The following HS6ST3 variants were observed in gnomAD, a reference collection of about 807,000 sequenced individuals.
HS6ST3 encodes heparan-sulfate 6-O-sulfotransferase 3.
Under a neutral mutation model 36.7 loss-of-function variants are expected in HS6ST3, and 12 were observed. The ratio of observed to expected loss-of-function variants is 0.33; its 90% CI spans 0.21 to 0.53. HS6ST3 has a LOEUF of 0.53. Among genes scored for constraint, HS6ST3 ranks in the 20% least tolerant of loss-of-function variants. The pLI, the probability that HS6ST3 is intolerant of heterozygous loss-of-function variation, is 0.95. For missense variants in HS6ST3, 584 were observed against 640.9 expected (o/e 0.91, Z 0.96); for synonymous variants, 240 against 257.5 (o/e 0.93, Z 0.65).
intron 1 of HS6ST3, among the ~76,000 whole-genome samples, chr13:96,361,603 G>C (rs1044783150): frequency 6.6e-6 from 1 of 152,134 alleles, no homozygotes; most frequent in Non-Finnish European, 1.5e-5. Context: ...AGAGCGGGCT[G>C]CTTGCTTATT....
At chr13:96,400,635 A>G (rs78068512) in intron 1 of HS6ST3, among the ~76,000 whole-genome samples, 1 of 152,124 alleles carries the variant, frequency 6.6e-6, no homozygotes, top group Admixed American at 6.5e-5. Flanking sequence ...TGATGGGAAG[A>G]TGAAGCCACA....
chr13:96,090,870 A>G lies in HS6ST3; in HGVS notation c.8A>G (p.Glu3Gly). MD[E>G]RFNKWLLTPV... Reference sequence around the variant, plus strand: ...CGGCCTGAGAGCGGGACCATGGATGAAAGGTTCAACAAGTGGCTGCTGACG... The same window carrying G: ...CGGCCTGAGAGCGGGACCATGGATGGAAGGTTCAACAAGTGGCTGCTGACG... The change falls in exon 1 of 2, where the codon GAA becomes GGA. Residue 3 changes from glutamate (E) to glycine (G), a missense_variant. Transcript: ENST00000376705. The G allele has an allele frequency of 6.6e-7, 1 of 1,508,034 alleles. No homozygotes were observed. The highest frequency in any genetic ancestry group is 8.9e-7 in the Non-Finnish European group (1 of 1,122,580). The allele number at this position is 1,508,034 out of a possible 1,614,324, so 93.4% of individuals were successfully genotyped here. A position where few individuals can be genotyped will look rare whatever the true frequency, so the allele number is the denominator to read the frequency against.
chr13:96,422,084 T>A (rs2055565337), intron 1 of HS6ST3, among the ~76,000 whole-genome samples: 1 of 152,220 alleles, frequency 6.6e-6, no homozygotes, highest in Non-Finnish European at 1.5e-5. Context: ...ATCTTAGAAG[T>A]CTTTTTGTAA....
intron 1 of HS6ST3, among the ~76,000 whole-genome samples, chr13:96,093,487 G>A (rs2053775077): frequency 6.6e-6 from 1 of 151,942 alleles, no homozygotes; most frequent in Non-Finnish European, 1.5e-5. Flanking sequence ...TATTTTCTTT[G>A]TTTAGTAATG....
intron 1 of HS6ST3, among the ~76,000 whole-genome samples, chr13:96,533,724 A>G (rs1423625523): frequency 6.6e-6 from 1 of 152,194 alleles, no homozygotes; most frequent in African/African-American, 2.4e-5. Context: ...TATTAAAGTC[A>G]TCACCAGAGG....
intron 1 of HS6ST3, among the ~76,000 whole-genome samples, chr13:96,650,823 C>A (rs1594827397): frequency 6.6e-6 from 1 of 152,150 alleles, no homozygotes; most frequent in East Asian, 1.9e-4. Flanking sequence ...TCTAGTAAAA[C>A]TATATAATAC....
chr13:96,784,465 T>A (rs1877595301), intron 1 of HS6ST3, among the ~76,000 whole-genome samples: 1 of 152,192 alleles, frequency 6.6e-6, no homozygotes, highest in Admixed American at 6.5e-5. Context: ...ACACATAGGA[T>A]GTTGTGGGAC....
intron 1 of HS6ST3, among the ~76,000 whole-genome samples, chr13:96,209,886 T>C (rs557158820): frequency 6.6e-6 from 1 of 152,344 alleles, no homozygotes; most frequent in Admixed American, 6.5e-5. Context: ...CTTGATGACA[T>C]TGTCCTCTTT....
intron 1 of HS6ST3, among the ~76,000 whole-genome samples, chr13:96,600,982 A>C (rs536822586): frequency 6.6e-6 from 1 of 152,130 alleles, no homozygotes; most frequent in Non-Finnish European, 1.5e-5. Flanking sequence ...TGAAGACACT[A>C]AAGATAGGAT....
In HS6ST3 at chr13:96,633,515, A is replaced by G. The variant is rs1288365347; in HGVS notation, c.708-198975A>G. On this transcript the variant is annotated intron_variant, in intron 1 of 1. Transcript: ENST00000376705. ...TCAATTCTAAGATAAAAGAATTAAG[A>G]CCTAGAGGTATAATGGACTCAGATG... Among the ~76,000 whole-genome samples, 4 of 152,200 alleles carry G rather than the reference A, an allele frequency of 2.6e-5. No homozygotes were observed. In the East Asian group the frequency reaches 7.7e-4, roughly 29 times the overall value.
chr13:96,343,653 G>GT (rs2055140504), intron 1 of HS6ST3, among the ~76,000 whole-genome samples: 1 of 152,094 alleles, frequency 6.6e-6, no homozygotes, highest in African/African-American at 2.4e-5. Context: ...TTCCCATTGT[G>GT]TTTTTTTCTT....
intron 1 of HS6ST3, among the ~76,000 whole-genome samples, chr13:96,523,470 G>C (rs1468148133): frequency 1.3e-5 from 2 of 152,074 alleles, no homozygotes; most frequent in Non-Finnish European, 2.9e-5. Flanking sequence ...TTCTAACTTG[G>C]TTCCCATTCT....
At chr13:96,139,271 T>C (rs2054017633) in intron 1 of HS6ST3, among the ~76,000 whole-genome samples, 2 of 152,078 alleles carry the variant, frequency 1.3e-5, no homozygotes, top group Non-Finnish European at 2.9e-5. Flanking sequence ...ATTCCTGCAG[T>C]AGCTGACTGC....
At chr13:96,616,925 A>G (rs1311901911) in intron 1 of HS6ST3, among the ~76,000 whole-genome samples, 2 of 152,216 alleles carry the variant, frequency 1.3e-5, no homozygotes, top group Admixed American at 1.3e-4. Flanking sequence ...ATGCTTATTG[A>G]AGAATAATTC....
chr13:96,491,143 T>C (rs1213046808), intron 1 of HS6ST3, among the ~76,000 whole-genome samples: 1 of 152,192 alleles, frequency 6.6e-6, no homozygotes, highest in Non-Finnish European at 1.5e-5. Flanking sequence ...TCTCATACTT[T>C]AGCTAATTAA....
At chr13:96,213,023 C>A (rs1347978340) in intron 1 of HS6ST3, among the ~76,000 whole-genome samples, 1 of 152,152 alleles carries the variant, frequency 6.6e-6, no homozygotes, top group Non-Finnish European at 1.5e-5. Flanking sequence ...TCTATACTGA[C>A]AGAGCAGCTG....
chr13:96,486,688 C>G (rs781011386), intron 1 of HS6ST3, among the ~76,000 whole-genome samples: 12 of 152,056 alleles, frequency 7.9e-5, no homozygotes, highest in Non-Finnish European at 1.5e-4. Flanking sequence ...CTGTTCATAT[C>G]CTTTGCCCAC....
At chr13:96,322,790 G>A (rs146984107) in intron 1 of HS6ST3, among the ~76,000 whole-genome samples, 3 of 152,218 alleles carry the variant, frequency 2.0e-5, no homozygotes, top group African/African-American at 7.2e-5. Flanking sequence ...TCACTCAATT[G>A]AAACTGTTTT....
intron 1 of HS6ST3, among the ~76,000 whole-genome samples, chr13:96,112,923 AT>A (rs1314678565): frequency 1.6e-4 from 25 of 152,030 alleles, no homozygotes; most frequent in Non-Finnish European, 3.7e-4. Context: ...TTCCTAGTTT[AT>A]TTAGTCAGGG....
Sources: gnomAD v4.1 joint callset for allele counts (sites outside exome capture counted in the v4.1 genomes callset) on GRCh38, gnomAD v4.1.1 for gene constraint, MANE v1.5 for transcripts, NCBI Gene and HGNC (gene_info 2026-07-23, HGNC 2026-07-21) for gene names.